SH3PXD2A: variants seen among roughly 807,000 people sequenced by gnomAD.
The protein encoded by SH3PXD2A is SH3 and PX domain-containing protein 2A.
In SH3PXD2A, 32 loss-of-function variants were observed where a neutral mutation model predicts 115.2. That is an observed-to-expected ratio of 0.28 (90% CI 0.21 to 0.37). SH3PXD2A has a LOEUF of 0.37. SH3PXD2A is among the 10% of genes least tolerant of loss of function. SH3PXD2A has a pLI of 1.00. For missense variants in SH3PXD2A, 1,328 were observed against 1,498.7 expected, an observed-to-expected ratio of 0.89 and a Z score of 1.88; for synonymous variants, 610 against 629.1, an observed-to-expected ratio of 0.97 and a Z score of 0.45.
chr10:103,597,370 C>A lies in SH3PXD2A; in HGVS notation c.*4446G>T, dbSNP rs1202037160. The A allele has an allele frequency of 1.3e-5, 2 of 152,228 alleles. No homozygotes were observed. Among genetic ancestry groups the A allele is most frequent in the Non-Finnish European group, 2.9e-5 (2 of 68,036 alleles). 9.4% of individuals were successfully genotyped at this position (152,228 alleles called of 1,614,324 possible). A position where few individuals can be genotyped will look rare whatever the true frequency, so the allele number is the denominator to read the frequency against. On this transcript the variant is annotated 3_prime_UTR_variant, in exon 15 of 15. Transcript: ENST00000369774. Reference sequence around the variant, plus strand: ...AACATACACCAGAAGGATCACAGCCCAAATATCAGGACACTGGGGTGAGAG... The same window carrying A: ...AACATACACCAGAAGGATCACAGCCAAAATATCAGGACACTGGGGTGAGAG...
intron 5 of SH3PXD2A, among the ~76,000 whole-genome samples, chr10:103,700,459 T>C (rs923979131): frequency 7.2e-5 from 11 of 152,066 alleles, no homozygotes; most frequent in African/African-American, 2.7e-4. Context: ...CTGCCTACCT[T>C]CTCAGTGTGG....
chr10:103,662,043 T>G, intron 7 of SH3PXD2A: 13 of 718,860 alleles, frequency 1.8e-5, no homozygotes, highest in Non-Finnish European at 2.0e-5. Flanking sequence ...GAGGGCCCTC[T>G]GGCTGCAGAG....
intron 8 of SH3PXD2A, among the ~76,000 whole-genome samples, chr10:103,655,895 T>G (rs1240356936): frequency 6.6e-6 from 1 of 151,200 alleles, no homozygotes; most frequent in Non-Finnish European, 1.5e-5. Flanking sequence ...AGGAACCTCA[T>G]GGATGTATAC....
chr10:103,769,719 A>G (rs945108376), intron 2 of SH3PXD2A, among the ~76,000 whole-genome samples: 2 of 152,136 alleles, frequency 1.3e-5, no homozygotes, highest in Admixed American at 1.3e-4. Flanking sequence ...GGTGTGAGCC[A>G]CGGCGCCTGG....
chr10:103,705,590 C>A (rs557686339), intron 5 of SH3PXD2A, among the ~76,000 whole-genome samples: 1 of 152,226 alleles, frequency 6.6e-6, no homozygotes, highest in Non-Finnish European at 1.5e-5. Context: ...GTGACTTGCC[C>A]AAAGTAACAC....
chr10:103,702,596 C>CGTCTGTGTGTGTGTGT (rs1554913271), intron 5 of SH3PXD2A, among the ~76,000 whole-genome samples: 2 of 147,448 alleles, frequency 1.4e-5, no homozygotes, highest in East Asian at 2.0e-4. Context: ...TGTGTGTGTG[C>CGTCTGTGTGTGTGTGT]GTGTGTGTGT....
chr10:103,785,831 G>GCCGCATCCTGGGATGAGA (rs1425884214), intron 2 of SH3PXD2A, among the ~76,000 whole-genome samples: 3 of 151,562 alleles, frequency 2.0e-5, no homozygotes, highest in African/African-American at 7.3e-5. Context: ...TTGGGATGCG[G>GCCGCATCCTGGGATGAGA]CCGCATCCTG....
At chr10:103,797,164 C>T (rs1490525213) in intron 2 of SH3PXD2A, among the ~76,000 whole-genome samples, 1 of 152,148 alleles carries the variant, frequency 6.6e-6, no homozygotes, top group East Asian at 1.9e-4. Flanking sequence ...ACGCCCAGTG[C>T]CCACACTTAT....
At position 103,620,103 on chromosome 10, in the gene SH3PXD2A, C is replaced by T. The variant is rs889581885; in HGVS notation, c.802+2367G>A. On this transcript the variant is annotated intron_variant, in intron 10 of 14. Coordinates refer to ENST00000369774, the MANE Select transcript of SH3PXD2A (RefSeq NM_001394015.1). The surrounding 1 kb of genome is among the most constrained non-coding windows in gnomAD (Gnocchi z 5.3). ...GGCGCCAGACAAGAGGAGGCCCAGA[C>T]AGACGGACATGGCCTCAGCGGGCAG... 6.6e-6 allele frequency among the ~76,000 whole-genome samples: 1 copy of T among 152,244 alleles called. No individual in the cohort carries two copies. Among genetic ancestry groups the T allele is most frequent in the Non-Finnish European group, 1.5e-5 (1 of 68,040 alleles).
chr10:103,782,932 T>C (rs1009132455), intron 2 of SH3PXD2A, among the ~76,000 whole-genome samples: 120 of 131,918 alleles, frequency 9.1e-4, no homozygotes, highest in Non-Finnish European at 1.4e-3. Flanking sequence ...AATGCATGCC[T>C]TGGGGGGGGG....
intron 2 of SH3PXD2A, among the ~76,000 whole-genome samples, chr10:103,795,011 G>A (rs1035639431): frequency 6.6e-6 from 1 of 152,176 alleles, no homozygotes; most frequent in African/African-American, 2.4e-5. Context: ...TCACTGTAGG[G>A]TGGCCAGAAA....
chr10:103,841,181 T>G (rs907680740), intron 1 of SH3PXD2A, among the ~76,000 whole-genome samples: 2 of 152,142 alleles, frequency 1.3e-5, no homozygotes, highest in African/African-American at 4.8e-5. Flanking sequence ...TCCAGGGATT[T>G]ATCACACTGA....
chr10:103,726,737 A>G (rs1168690723), intron 4 of SH3PXD2A, among the ~76,000 whole-genome samples: 3 of 152,208 alleles, frequency 2.0e-5, no homozygotes, highest in African/African-American at 7.2e-5. Context: ...GTAATGGTTT[A>G]GTTATTCTCT....
chr10:103,677,977 A>C (rs895418610), intron 6 of SH3PXD2A: 7 of 525,066 alleles, frequency 1.3e-5, no homozygotes, highest in Non-Finnish European at 2.4e-5. Flanking sequence ...TGTGCTGGGC[A>C]CAGTGGCTCC....
chr10:103,720,686 A>C (rs2038171359), intron 5 of SH3PXD2A, among the ~76,000 whole-genome samples: 1 of 152,212 alleles, frequency 6.6e-6, no homozygotes, highest in South Asian at 2.1e-4. Flanking sequence ...TCCCGTGTTT[A>C]TGTTCTAGGC....
intron 2 of SH3PXD2A, among the ~76,000 whole-genome samples, chr10:103,773,443 CT>C (rs545361723): frequency 0.086 from 10,706 of 124,978 alleles, 443 homozygotes; most frequent in South Asian, 0.14. Context: ...TTCTTTCTTT[CT>C]TTTTTTTTTT....
At chr10:103,815,208 A>G (rs1231115001) in intron 1 of SH3PXD2A, among the ~76,000 whole-genome samples, 3 of 152,194 alleles carry the variant, frequency 2.0e-5, no homozygotes, top group Non-Finnish European at 4.4e-5. Flanking sequence ...AACAAACTGG[A>G]CTTCATCAAA....
chr10:103,783,328 G>A (rs1378263434), intron 2 of SH3PXD2A, among the ~76,000 whole-genome samples: 5 of 152,236 alleles, frequency 3.3e-5, no homozygotes, highest in African/African-American at 9.6e-5. Context: ...GGAGGTGACC[G>A]TGAGAATGTG....
At chr10:103,702,585 C>CTGTGTGTGTGTGTGTG (rs61568990) in intron 5 of SH3PXD2A, among the ~76,000 whole-genome samples, 30 of 33,000 alleles carry the variant, frequency 9.1e-4, no homozygotes, top group African/African-American at 1.8e-3. Context: ...AGATGTAAGC[C>CTGTGTGTGTGTGTGTG]TGTGTGTGTG....
Sources: allele counts gnomAD v4.1 joint callset (sites outside exome capture counted in the v4.1 genomes callset), GRCh38; gene constraint gnomAD v4.1.1; non-coding constraint Gnocchi (gnomAD v3.1); transcripts MANE v1.5; gene names NCBI Gene and HGNC (gene_info 2026-07-23, HGNC 2026-07-21).